The following SLC24A2 variants were observed in gnomAD, a reference collection of about 807,000 sequenced individuals.
SLC24A2 encodes solute carrier family 24 member 2, also known as sodium/potassium/calcium exchanger 2.
In SLC24A2, 36 loss-of-function variants were observed where a neutral mutation model predicts 62.0. The observed-to-expected ratio is 0.58, with a 90% CI of 0.44 to 0.77. The LOEUF (loss-of-function observed/expected upper bound fraction) is 0.77, where lower values mean the gene tolerates loss of function less well. Ranked by LOEUF, SLC24A2 falls within the 30% of genes least tolerant of loss-of-function variation. The pLI, the probability that SLC24A2 is intolerant of heterozygous loss-of-function variation, is 0.00. For missense variants in SLC24A2, 846 were observed against 817.9 expected, an observed-to-expected ratio of 1.03 and a Z score of -0.42; for synonymous variants, 358 against 294.0, an observed-to-expected ratio of 1.22 and a Z score of -2.23.
intron 8 of SLC24A2, among the ~76,000 whole-genome samples, chr9:19,548,171 C>A (rs1834674674): frequency 6.6e-6 from 1 of 150,874 alleles, no homozygotes; most frequent in Non-Finnish European, 1.5e-5. Context: ...GGTTTTTCTT[C>A]TGTCTTTTTC....
chr9:19,687,445 A>G (rs532226542), intron 2 of SLC24A2, among the ~76,000 whole-genome samples: 1 of 152,216 alleles, frequency 6.6e-6, no homozygotes, highest in Non-Finnish European at 1.5e-5. Context: ...GGTGAAATCA[A>G]TTAGGGAGCA....
At chr9:20,211,033 T>C in the SLC24A2 span, among the ~76,000 whole-genome samples, 5 of 152,020 alleles carry the variant, frequency 3.3e-5, no homozygotes, top group South Asian at 8.3e-4. Context: ...CCTTTGGCAT[T>C]AGAAAGAAGA....
chr9:19,650,437 T>C (rs1019715251), intron 2 of SLC24A2, among the ~76,000 whole-genome samples: 2 of 152,150 alleles, frequency 1.3e-5, no homozygotes, highest in South Asian at 2.1e-4. Flanking sequence ...TGAGTGACCA[T>C]AGCTACCATT....
the SLC24A2 span, among the ~76,000 whole-genome samples, chr9:20,137,458 C>G: frequency 3.1e-4 from 47 of 152,246 alleles, no homozygotes; most frequent in South Asian, 6.8e-3. Context: ...GGGCTTACAT[C>G]TCATGTCACA....
the SLC24A2 span, among the ~76,000 whole-genome samples, chr9:20,014,707 T>A: frequency 6.6e-6 from 1 of 151,882 alleles, no homozygotes; most frequent in African/African-American, 2.4e-5. Flanking sequence ...GAGAGGAGAA[T>A]AATGGTTACC....
At chr9:20,039,787 G>C in the SLC24A2 span, among the ~76,000 whole-genome samples, 1 of 152,184 alleles carries the variant, frequency 6.6e-6, no homozygotes, top group African/African-American at 2.4e-5. Flanking sequence ...CCCATATCAG[G>C]AAAGAGGCAG....
At chr9:20,081,488 G>A in the SLC24A2 span, among the ~76,000 whole-genome samples, 11 of 112,728 alleles carry the variant, frequency 9.8e-5, no homozygotes. Flanking sequence ...AGGGGTGGGG[G>A]GAGGGGGGGA....
At chr9:19,561,617 G>A (rs1176655129) in intron 7 of SLC24A2, among the ~76,000 whole-genome samples, 2 of 151,752 alleles carry the variant, frequency 1.3e-5, no homozygotes, top group Non-Finnish European at 2.9e-5. Flanking sequence ...TGTATTTTTA[G>A]TAGAGATGGG....
the SLC24A2 span, among the ~76,000 whole-genome samples, chr9:19,987,557 C>T: frequency 6.6e-6 from 1 of 152,198 alleles, no homozygotes; most frequent in African/African-American, 2.4e-5. Flanking sequence ...AAATGCCCCA[C>T]TTACCAGGTT....
rs994923788 is a variant in SLC24A2, at chr9:19,788,580, C to T, written c.-154+305G>A. ...ATTTGGTGAGGCGCTTGGCCCGCAT[C>T]CCCCTGAGTCGTTTGTAGGTGGCTG... On this transcript the variant is annotated intron_variant, in intron 1 of 10. Coordinates refer to ENST00000341998, the MANE Select transcript of SLC24A2 (RefSeq NM_020344.4). The T allele has an allele frequency of 6.1e-6, 6 of 985,338 alleles. No homozygotes were observed. In the East Asian group the frequency reaches 3.4e-4, roughly 56 times the overall value. 61.0% of individuals were successfully genotyped at this position (985,338 alleles called of 1,614,324 possible).
intron 2 of SLC24A2, among the ~76,000 whole-genome samples, chr9:19,735,692 G>C (rs1322508914): frequency 6.6e-6 from 1 of 152,124 alleles, no homozygotes; most frequent in Non-Finnish European, 1.5e-5. Context: ...AAAATGATGA[G>C]TTCATGTCCT....
At chr9:19,964,683 A>C in the SLC24A2 span, among the ~76,000 whole-genome samples, 6 of 152,210 alleles carry the variant, frequency 3.9e-5, no homozygotes, top group East Asian at 7.7e-4. Context: ...CACAAGGGAG[A>C]TTCCCACCCA....
the SLC24A2 span, among the ~76,000 whole-genome samples, chr9:20,164,996 A>C: frequency 3.8e-4 from 30 of 79,570 alleles, no homozygotes; most frequent in East Asian, 9.7e-3. Context: ...GGGTGGGGGG[A>C]GGGGGGAGGG....
At chr9:20,031,286 T>C in the SLC24A2 span, among the ~76,000 whole-genome samples, 40 of 148,678 alleles carry the variant, frequency 2.7e-4, no homozygotes, top group African/African-American at 2.4e-4. Context: ...TATATATATA[T>C]ACACATATAT....
At chr9:19,941,590 T>TGAGA in the SLC24A2 span, among the ~76,000 whole-genome samples, 1,427 of 127,906 alleles carry the variant, frequency 0.011, 25 homozygotes, top group African/African-American at 0.038. Flanking sequence ...TGTGTGTGTG[T>TGAGA]GAGAGAGAGA....
At chr9:19,834,136 C>A in the SLC24A2 span, among the ~76,000 whole-genome samples, 6 of 152,072 alleles carry the variant, frequency 3.9e-5, no homozygotes, top group African/African-American at 7.2e-5. Context: ...AAAAACAGAG[C>A]AGAAAAACTG....
the SLC24A2 span, among the ~76,000 whole-genome samples, chr9:20,132,321 G>C: frequency 6.6e-6 from 1 of 152,104 alleles, no homozygotes; most frequent in Non-Finnish European, 1.5e-5. Context: ...TGTGCTATGT[G>C]AAAGAGTTAG....
the SLC24A2 span, among the ~76,000 whole-genome samples, chr9:19,830,698 C>A: frequency 6.6e-6 from 1 of 152,122 alleles, no homozygotes; most frequent in African/African-American, 2.4e-5. Context: ...CGGCAGACTC[C>A]AGACTCCTGC....
chr9:19,586,357 AAAC>A, intron 5 of SLC24A2, among the ~76,000 whole-genome samples: 1 of 152,292 alleles, frequency 6.6e-6, no homozygotes, highest in East Asian at 1.9e-4. Flanking sequence ...ACATTAACAC[AAAC>A]AACAAAGAAT....
Sources: allele counts gnomAD v4.1 joint callset (sites outside exome capture counted in the v4.1 genomes callset), GRCh38; gene constraint gnomAD v4.1.1; transcripts MANE v1.5; gene names NCBI Gene and HGNC (gene_info 2026-07-23, HGNC 2026-07-21).